TSGA10: variants seen among roughly 807,000 people sequenced by gnomAD.
The protein encoded by TSGA10 is testis specific 10, also known as testis-specific gene 10 protein.
A neutral mutation model predicts 96.6 loss-of-function variants in TSGA10; 43 were observed. The ratio of observed to expected loss-of-function variants is 0.44; its 90% confidence interval spans 0.35 to 0.57. The LOEUF is 0.57. Among genes scored for constraint, TSGA10 ranks in the 20% least tolerant of loss-of-function variants. The pLI is 0.01. For synonymous variants in TSGA10, 229 were observed against 269.9 expected, an observed-to-expected ratio of 0.85 and a Z score of 1.48; for missense variants, 703 against 834.4, an observed-to-expected ratio of 0.84 and a Z score of 1.94.
intron 1 of TSGA10, among the ~76,000 whole-genome samples, chr2:99,137,868 C>G (rs1233772096): frequency 4.4e-5 from 6 of 136,180 alleles, no homozygotes; most frequent in Non-Finnish European, 9.3e-5. Context: ...GCCTGGGCAA[C>G]AGAGTGAGAC....
chr2:99,008,856 A>T (rs544518385), intron 20 of TSGA10, among the ~76,000 whole-genome samples: 5 of 152,312 alleles, frequency 3.3e-5, no homozygotes, highest in East Asian at 1.9e-4. Context: ...GACTAAGGAG[A>T]ATCTCTATGA....
chr2:99,103,676 T>C (rs1261326946), intron 10 of TSGA10, among the ~76,000 whole-genome samples: 2 of 152,214 alleles, frequency 1.3e-5, no homozygotes, highest in Non-Finnish European at 2.9e-5. Flanking sequence ...AAGTCAAATA[T>C]ATTCTGTACC....
intron 12 of TSGA10, among the ~76,000 whole-genome samples, chr2:99,077,808 C>A (rs2086906414): frequency 6.6e-6 from 1 of 151,908 alleles, no homozygotes; most frequent in African/African-American, 2.4e-5. Context: ...ATGATCCGCC[C>A]TCCTCGGCCT....
intron 10 of TSGA10, among the ~76,000 whole-genome samples, chr2:99,083,061 T>C (rs2087734612): frequency 6.6e-6 from 1 of 151,736 alleles, no homozygotes; most frequent in African/African-American, 2.4e-5. Context: ...AAATACAAAA[T>C]AGAGGTTAAC....
At chr2:99,082,845 A>G (rs774350042) in intron 10 of TSGA10, among the ~76,000 whole-genome samples, 2 of 152,198 alleles carry the variant, frequency 1.3e-5, no homozygotes, top group Non-Finnish European at 2.9e-5. Flanking sequence ...AAATAATAGG[A>G]TATATAAAGA....
intron 20 of TSGA10, among the ~76,000 whole-genome samples, chr2:99,003,081 A>G (rs1304780893): frequency 6.6e-6 from 1 of 151,260 alleles, no homozygotes; most frequent in Non-Finnish European, 1.5e-5. Context: ...CTGGTCTTGA[A>G]CTCCTGACCT....
At chr2:99,033,161 T>G (rs1301622150) in intron 17 of TSGA10, among the ~76,000 whole-genome samples, 1 of 152,226 alleles carries the variant, frequency 6.6e-6, no homozygotes, top group African/African-American at 2.4e-5. Flanking sequence ...CTACACACTG[T>G]GTCATCTATA....
At chr2:99,118,762 A>G (rs2092417541) in intron 2 of TSGA10, 76 bp from the exon 3 acceptor site, 1 of 674,558 alleles carries the variant, frequency 1.5e-6, no homozygotes, top group Non-Finnish European at 1.8e-6. Context: ...AAAAATACAA[A>G]GATAGGTTAG....
intron 17 of TSGA10, among the ~76,000 whole-genome samples, chr2:99,031,430 T>C (rs2105048545): frequency 6.6e-6 from 1 of 152,040 alleles, no homozygotes; most frequent in East Asian, 1.9e-4. Flanking sequence ...ATCTTTGAGA[T>C]TTAGAGCTAT....
intron 20 of TSGA10, among the ~76,000 whole-genome samples, chr2:99,006,082 C>T (rs1479966752): frequency 6.6e-6 from 1 of 152,202 alleles, no homozygotes; most frequent in Non-Finnish European, 1.5e-5. Flanking sequence ...GGAAAACTGG[C>T]TAGCTGTATG....
At chr2:99,128,944 C>T (rs946826387) in intron 1 of TSGA10, among the ~76,000 whole-genome samples, 1 of 152,152 alleles carries the variant, frequency 6.6e-6, no homozygotes, top group Non-Finnish European at 1.5e-5. Context: ...GTCAGGGTCT[C>T]CCTATGCTGC....
intron 10 of TSGA10, among the ~76,000 whole-genome samples, chr2:99,087,570 C>T (rs775679857): frequency 6.6e-6 from 1 of 152,100 alleles, no homozygotes; most frequent in African/African-American, 2.4e-5. Flanking sequence ...TACCTTTACT[C>T]CCAGCTACCT....
chr2:99,093,211 G>C (rs1458021758), intron 10 of TSGA10, among the ~76,000 whole-genome samples: 1 of 152,086 alleles, frequency 6.6e-6, no homozygotes, highest in Non-Finnish European at 1.5e-5. Flanking sequence ...ATCCCTTTAT[G>C]ATTAAATCCC....
chr2:99,107,120 G>C (rs2091426276), intron 7 of TSGA10, among the ~76,000 whole-genome samples: 2 of 152,066 alleles, frequency 1.3e-5, no homozygotes, highest in African/African-American at 4.8e-5. Context: ...CCACATTGCT[G>C]AGTCATTCAA....
chr2:99,010,581 C>A lies in TSGA10; in HGVS notation c.2072+7619G>T, dbSNP rs142301996. Among the ~76,000 whole-genome samples the A allele has an allele frequency of 5.8e-3, 888 of 152,354 alleles. 10 individuals carry two copies. Among genetic ancestry groups the A allele is most frequent in the African/African-American group, 0.02 (851 of 41,578 alleles). ...AAGTAGCAGCAGGAAGTGCCTTGCACACACTCCCAGTCTCCAGCTCAAGCC... is the reference window on the plus strand; with the variant it reads ...AAGTAGCAGCAGGAAGTGCCTTGCAAACACTCCCAGTCTCCAGCTCAAGCC... On this transcript the variant is annotated intron_variant, in intron 20 of 20. Coordinates refer to ENST00000393483, the MANE Select transcript of TSGA10 (RefSeq NM_025244.4).
rs2093732510 is a variant in TSGA10, at chr2:99,154,851, G to A, written c.-779C>T. ...AGGACCCTTACTTAGCACTCCTGCG[G>A]GCTGCCGGGACCCCACGGCTCCGCA... is the stretch of plus-strand genomic sequence containing the variant. On this transcript the variant is annotated 5_prime_UTR_variant, in exon 1 of 21. Transcript: ENST00000393483. 1 of 348,402 alleles carries A rather than the reference G, an allele frequency of 2.9e-6. No homozygotes were observed. The highest frequency in any genetic ancestry group is 5.7e-6 in the Non-Finnish European group (1 of 175,428). The allele number at this position is 348,402 out of a possible 1,614,324, so 21.6% of individuals were successfully genotyped here.
At chr2:99,053,515 T>C (rs1026137720) in intron 16 of TSGA10, among the ~76,000 whole-genome samples, 2 of 152,174 alleles carry the variant, frequency 1.3e-5, no homozygotes, top group Non-Finnish European at 2.9e-5. Flanking sequence ...AAAAGTCGTA[T>C]GATAATCTCA....
chr2:99,047,744 T>G (rs1173897111), intron 16 of TSGA10, among the ~76,000 whole-genome samples: 1 of 152,090 alleles, frequency 6.6e-6, no homozygotes, highest in Admixed American at 6.5e-5. Context: ...GAGAAAGAAA[T>G]AAAGGGCATT....
At chr2:99,045,571 C>A (rs1039617624) in intron 16 of TSGA10, among the ~76,000 whole-genome samples, 1 of 152,160 alleles carries the variant, frequency 6.6e-6, no homozygotes, top group Non-Finnish European at 1.5e-5. Context: ...CCTAAAAGAG[C>A]TCCTGAAGGA....
Sources: gnomAD v4.1 joint callset for allele counts (sites outside exome capture counted in the v4.1 genomes callset) on GRCh38, gnomAD v4.1.1 for gene constraint, MANE v1.5 for transcripts, NCBI Gene and HGNC (gene_info 2026-07-23, HGNC 2026-07-21) for gene names.